SRRM4: variants seen among roughly 807,000 people sequenced by gnomAD.
SRRM4 encodes serine/arginine repetitive matrix protein 4.
Under a neutral mutation model 68.9 loss-of-function variants are expected in SRRM4, and 33 were observed. The ratio of observed to expected loss-of-function variants is 0.48; its 90% CI spans 0.36 to 0.64. The LOEUF is 0.64. Among genes scored for constraint, SRRM4 ranks in the 30% least tolerant of loss-of-function variants. SRRM4 has a pLI of 0.00. For missense variants in SRRM4, 817 were observed against 827.1 expected (o/e 0.99, Z 0.15); for synonymous variants, 318 against 318.8 (o/e 1.00, Z 0.03).
intron 1 of SRRM4, among the ~76,000 whole-genome samples, chr12:119,085,839 T>C (rs1253516126): frequency 2.0e-5 from 3 of 151,928 alleles, no homozygotes; most frequent in Non-Finnish European, 4.4e-5. Flanking sequence ...GGAGTCAGAA[T>C]GGGCAAGAAA....
intron 1 of SRRM4, among the ~76,000 whole-genome samples, chr12:119,018,493 T>C (rs118012016): frequency 3.9e-5 from 6 of 152,188 alleles, no homozygotes; most frequent in Non-Finnish European, 5.9e-5. Flanking sequence ...TTTTCTTAAC[T>C]GTCATCTTGC....
Position 119,154,480 on chromosome 12 carries a change from C to A in SRRM4, c.1532+97C>A. 7 of 1,396,758 alleles carry A rather than the reference C, an allele frequency of 5.0e-6. No individual in the cohort carries two copies. The highest frequency in any genetic ancestry group is 2.4e-5 in the East Asian group (1 of 40,946). 86.5% of individuals were successfully genotyped at this position (1,396,758 alleles called of 1,614,324 possible). ...AGGCTCTCCCTAGGCCTCCTTGGGGCTGGGATTTAGGATTGTGCGAGCTTA... is the reference window on the plus strand; with the variant it reads ...AGGCTCTCCCTAGGCCTCCTTGGGGATGGGATTTAGGATTGTGCGAGCTTA... On this transcript the variant is annotated intron_variant, in intron 12 of 12. Transcript: ENST00000267260. The surrounding 1 kb of genome is among the most constrained non-coding windows in gnomAD (Gnocchi z 4.7).
At position 119,115,429 on chromosome 12, in the gene SRRM4, G is replaced by T. The variant is rs141289044; in HGVS notation, c.365+1065G>T. ...GGGCAGGCTTAAATTAACCCTTAAG[G>T]CTGCCAACTGAGAATCACAGCAAAC... On this transcript the variant is annotated intron_variant, in intron 3 of 12. Coordinates refer to ENST00000267260, the MANE Select transcript of SRRM4 (RefSeq NM_194286.4). 4.0e-4 allele frequency among the ~76,000 whole-genome samples: 61 copies of T among 152,232 alleles called. No homozygotes were observed. In the East Asian group the frequency reaches 7.5e-3, roughly 19 times the overall value.
Position 119,159,413 on chromosome 12 carries a change from G to C in SRRM4, c.*2615G>C, listed in dbSNP as rs918348421. On this transcript the variant is annotated 3_prime_UTR_variant, in exon 13 of 13. Coordinates refer to ENST00000267260, the MANE Select transcript of SRRM4 (RefSeq NM_194286.4). ...AAATCCCTTGTGAATGTCCCTTAGGGAGGCACCAGATTGGAGACAGATGTG... is the reference window on the plus strand; with the variant it reads ...AAATCCCTTGTGAATGTCCCTTAGGCAGGCACCAGATTGGAGACAGATGTG... 6.6e-6 allele frequency: 1 copy of C among 152,252 alleles called. No homozygotes were observed. The highest frequency in any genetic ancestry group is 2.1e-4 in the South Asian group (1 of 4,826). 9.4% of individuals were successfully genotyped at this position (152,252 alleles called of 1,614,324 possible). A position where few individuals can be genotyped will look rare whatever the true frequency, so the allele number is the denominator to read the frequency against.
At chr12:119,011,196 GA>G (rs1321498198) in intron 1 of SRRM4, among the ~76,000 whole-genome samples, 1 of 150,898 alleles carries the variant, frequency 6.6e-6, no homozygotes, top group African/African-American at 2.4e-5. Flanking sequence ...ACATGAATTT[GA>G]AAAAAAAGGA....
rs1353141163 is a variant in SRRM4, at chr12:119,075,548, GTGA to G, written c.132-26679_132-26677del. 1.4e-5 allele frequency among the ~76,000 whole-genome samples: 2 copies of G among 148,096 alleles called. 1 individual carries two copies. Among genetic ancestry groups the G allele is most frequent in the Non-Finnish European group, 3.0e-5 (2 of 67,094 alleles). Reference sequence around the variant, plus strand: ...GATGGTGATAATGGTAGCAATGATGGTGATGATGATGGTGATGATAATGGTGAT... The same window carrying G: ...GATGGTGATAATGGTAGCAATGATGGTGATGATGGTGATGATAATGGTGAT... On this transcript the variant is annotated intron_variant, in intron 1 of 12. Coordinates refer to ENST00000267260, the MANE Select transcript of SRRM4 (RefSeq NM_194286.4).
chr12:119,021,914 G>T (rs1344270214), intron 1 of SRRM4, among the ~76,000 whole-genome samples: 2 of 152,134 alleles, frequency 1.3e-5, no homozygotes, highest in Non-Finnish European at 2.9e-5. Context: ...CTTTATAATA[G>T]AATGATTTAT....
chr12:119,110,685 T>C (rs1350200586), intron 2 of SRRM4, among the ~76,000 whole-genome samples: 6 of 152,164 alleles, frequency 3.9e-5, no homozygotes, highest in Non-Finnish European at 8.8e-5. Flanking sequence ...AGGTGCAATA[T>C]TAGGGTGGGA....
chr12:119,142,094 C>T (rs560133498), intron 8 of SRRM4, among the ~76,000 whole-genome samples: 11 of 152,280 alleles, frequency 7.2e-5, no homozygotes, highest in African/African-American at 2.6e-4. Flanking sequence ...CTGAATCAGT[C>T]AGCTTAGGCT....
At chr12:119,020,454 C>T (rs1265128303) in intron 1 of SRRM4, among the ~76,000 whole-genome samples, 1 of 152,208 alleles carries the variant, frequency 6.6e-6, no homozygotes, top group Non-Finnish European at 1.5e-5. Flanking sequence ...AAGATGCTTA[C>T]ATCCAAGTGT....
At chr12:119,097,011 G>A (rs758679948) in intron 1 of SRRM4, among the ~76,000 whole-genome samples, 2 of 152,052 alleles carry the variant, frequency 1.3e-5, no homozygotes, top group South Asian at 4.2e-4. Context: ...CAGAGCCGCC[G>A]GGAGGCCTTG....
intron 1 of SRRM4, among the ~76,000 whole-genome samples, chr12:119,093,560 C>T (rs1299248886): frequency 2.6e-5 from 4 of 152,180 alleles, no homozygotes; most frequent in African/African-American, 9.7e-5. Flanking sequence ...AACTCGCCCT[C>T]CCCGGAGAAA....
At chr12:119,029,677 G>A (rs1252184809) in intron 1 of SRRM4, among the ~76,000 whole-genome samples, 2 of 152,122 alleles carry the variant, frequency 1.3e-5, no homozygotes, top group Admixed American at 1.3e-4. Flanking sequence ...AGAAAATGTA[G>A]AGAGTCACCA....
intron 3 of SRRM4, among the ~76,000 whole-genome samples, chr12:119,115,040 G>A (rs945681930): frequency 6.6e-6 from 1 of 151,414 alleles, no homozygotes; most frequent in African/African-American, 2.4e-5. Context: ...ACTAGGCACC[G>A]TGGTCTTCAT....
intron 1 of SRRM4, among the ~76,000 whole-genome samples, chr12:118,982,475 C>T (rs559330159): frequency 2.6e-5 from 4 of 152,190 alleles, no homozygotes; most frequent in Non-Finnish European, 5.9e-5. Flanking sequence ...GAGCTTTGAA[C>T]ATTTTTGACA....
At chr12:119,022,924 T>G (rs1953525186) in intron 1 of SRRM4, among the ~76,000 whole-genome samples, 1 of 152,202 alleles carries the variant, frequency 6.6e-6, no homozygotes. Flanking sequence ...GCAAGAGGGC[T>G]GCAGTGTCTC....
chr12:118,983,293 G>A (rs1476522003), intron 1 of SRRM4, among the ~76,000 whole-genome samples: 2 of 152,182 alleles, frequency 1.3e-5, no homozygotes, highest in East Asian at 3.9e-4. Context: ...AGGAATGGGT[G>A]GCCAAGCATC....
rs1046059296 is a variant in SRRM4 at position 119,154,299 on chromosome 12, C to T, written c.1448C>T (p.Ala483Val). 1.9e-6 allele frequency: 3 copies of T among 1,611,666 alleles called. No individual in the cohort carries two copies. Among genetic ancestry groups the T allele is most frequent in the East Asian group, 2.2e-5 (1 of 44,754 alleles). ...TCGCAGCAGCGGGAGCGCGAGCGAG[C>T]GCGTCGGAGACGTCGGTCCTACTCG... ...KDSQQRERER[A>V]RRRRRSYSPM... The change falls in exon 12 of 13, where the codon GCG (alanine) becomes GTG (valine). Residue 483 changes from alanine (A) to valine (V), a missense_variant. By Grantham distance (64) the Ala-to-Val change is moderately conservative. Coordinates refer to ENST00000267260, the MANE Select transcript of SRRM4 (RefSeq NM_194286.4). This position sits in a 1 kb window ranked among gnomAD's most constrained non-coding sequence, Gnocchi z 4.7.
chr12:119,075,888 T>A (rs1371327739), intron 1 of SRRM4, among the ~76,000 whole-genome samples: 1 of 137,922 alleles, frequency 7.3e-6, no homozygotes. Context: ...GTAGTAGTGA[T>A]GATGATGGTA....
Sources: gnomAD v4.1 joint callset for allele counts (sites outside exome capture counted in the v4.1 genomes callset) on GRCh38, gnomAD v4.1.1 for gene constraint, Gnocchi (gnomAD v3.1) non-coding constraint, MANE v1.5 for transcripts, NCBI Gene and HGNC (gene_info 2026-07-23, HGNC 2026-07-21) for gene names.